TRIM2: variants seen among roughly 807,000 people sequenced by gnomAD.
TRIM2 encodes the protein tripartite motif-containing protein 2.
A neutral mutation model predicts 75.2 loss-of-function variants in TRIM2; 20 were observed. The ratio of observed to expected loss-of-function variants is 0.27; its 90% CI spans 0.19 to 0.39. TRIM2 has a LOEUF of 0.39. Among genes scored for constraint, TRIM2 ranks in the 10% least tolerant of loss-of-function variants. The pLI is 1.00. For missense variants in TRIM2, 660 were observed against 990.8 expected (o/e 0.67, Z 4.48); for synonymous variants, 373 against 388.3 (o/e 0.96, Z 0.46).
chr4:153,296,583 C>A (rs1762817336), intron 6 of TRIM2, among the ~76,000 whole-genome samples: 1 of 152,072 alleles, frequency 6.6e-6, no homozygotes, highest in Non-Finnish European at 1.5e-5. Flanking sequence ...TGGAGAGCAG[C>A]CCCAAGGAGA....
Position 153,232,127 on chromosome 4 carries a change from C to G in TRIM2, c.30+27567C>G, listed in dbSNP as rs560710885. Among the ~76,000 whole-genome samples the G allele has an allele frequency of 1.2e-4, 18 of 152,296 alleles. 1 individual carries two copies. The highest frequency in any genetic ancestry group is 4.3e-4 in the African/African-American group (18 of 41,538). The stretch of plus-strand genomic sequence containing the variant: ...AAAAGATACTCAACTTGTAGTATTT[C>G]CAAATACAGTCACAATCTGAGGTAC... On this transcript the variant is annotated intron_variant, in intron 1 of 11. Coordinates refer to ENST00000338700, the MANE Select transcript of TRIM2 (RefSeq NM_015271.5).
intron 1 of TRIM2, among the ~76,000 whole-genome samples, chr4:153,169,126 G>C (rs571750398): frequency 6.6e-6 from 1 of 152,260 alleles, no homozygotes; most frequent in Admixed American, 6.5e-5. Flanking sequence ...ATTCTTCTCA[G>C]CTCTAACCTA....
Position 153,180,222 on chromosome 4 carries a change from A to G in TRIM2, c.-49+26952A>G, listed in dbSNP as rs1196250733. Among the ~76,000 whole-genome samples the G allele has an allele frequency of 1.3e-5, 2 of 152,236 alleles. 1 individual carries two copies. Among genetic ancestry groups the G allele is most frequent in the Non-Finnish European group, 2.9e-5 (2 of 68,024 alleles). On this transcript the variant is annotated intron_variant, in intron 1 of 11. Transcript: ENST00000437508. ...CCCATTAACTCTACTCATTTTGGGT[A>G]CATTTTTCATTATTTTGCTGTGTAG...
intron 1 of TRIM2, among the ~76,000 whole-genome samples, chr4:153,263,894 T>C (rs773695836): frequency 2.6e-4 from 40 of 152,240 alleles, no homozygotes; most frequent in African/African-American, 6.7e-4. Context: ...ACTAATCCCA[T>C]CATAAGGGCT....
At chr4:153,184,378 C>T (rs899493424) in intron 1 of TRIM2, among the ~76,000 whole-genome samples, 3 of 152,210 alleles carry the variant, frequency 2.0e-5, no homozygotes, top group Middle Eastern at 6.8e-3. Context: ...TCTGATGGCT[C>T]TTCTTATAAG....
At position 153,295,516 on chromosome 4, in the gene TRIM2, G is replaced by A. The variant is rs1278951417; in HGVS notation, c.990G>A (p.Val330=). ...AGAACGACCAGCTGGATTTCATCGTGGAAACCGAGGGGCTGAAGAAGTCCA... is the reference window on the plus strand; with the variant it reads ...AGAACGACCAGCTGGATTTCATCGTAGAAACCGAGGGGCTGAAGAAGTCCA... The part of the protein sequence containing the change: ...PRENDQLDFI[V]ETEGLKKSIH... Residue 330 remains valine (V), a synonymous_variant, in exon 6 of 12, where the codon GTG becomes GTA. Transcript: ENST00000338700. This position sits in a 1 kb window ranked among gnomAD's most constrained non-coding sequence, Gnocchi z 7.2. The A allele has an allele frequency of 4.3e-6, 7 of 1,613,970 alleles. No individual in the cohort carries two copies. The Admixed American group carries it at 1.2e-4, about 27-fold the overall frequency.
intron 1 of TRIM2, among the ~76,000 whole-genome samples, chr4:153,166,705 C>T (rs991222363): frequency 6.6e-6 from 1 of 152,098 alleles, no homozygotes; most frequent in African/African-American, 2.4e-5. Flanking sequence ...CTTATGCCAC[C>T]ATGCCCAGAT....
intron 10 of TRIM2, 73 bp from the exon 11 acceptor site, chr4:153,328,457 T>C: frequency 7.4e-7 from 1 of 1,357,198 alleles, no homozygotes; most frequent in Non-Finnish European, 1.0e-6. Flanking sequence ...CTCAAATAGA[T>C]ATTTTTTTAA....
intron 3 of TRIM2, among the ~76,000 whole-genome samples, chr4:153,288,294 A>G (rs1204538965): frequency 6.6e-6 from 1 of 151,916 alleles, no homozygotes; most frequent in Non-Finnish European, 1.5e-5. Flanking sequence ...AAAATTAGCC[A>G]GGGATGGTGG....
chr4:153,153,769 G>T (rs1429134329), intron 1 of TRIM2, among the ~76,000 whole-genome samples: 4 of 152,184 alleles, frequency 2.6e-5, no homozygotes, highest in African/African-American at 7.2e-5. Flanking sequence ...GGCGCGCATC[G>T]CTGAGTCCGG....
At chr4:153,244,429 C>CTTTCTTCT (rs778421340) in intron 1 of TRIM2, among the ~76,000 whole-genome samples, 2 of 96,120 alleles carry the variant, frequency 2.1e-5, no homozygotes, top group South Asian at 3.0e-4. Context: ...TCTTCTTCTT[C>CTTTCTTCT]TTCTTCTTTT....
rs1772700652 is a variant in TRIM2 at position 153,338,388 on chromosome 4, T to C, written c.*3422T>C. ...CTGAAAAGGGAGGAGTATTTTTAGT[T>C]TGACAATTTAATAATTTAAAAACAA... is the stretch of plus-strand genomic sequence containing the variant. On this transcript the variant is annotated 3_prime_UTR_variant, in exon 12 of 12. Coordinates refer to ENST00000338700, the MANE Select transcript of TRIM2 (RefSeq NM_015271.5). 2 of 985,750 alleles carry C rather than the reference T, an allele frequency of 2.0e-6. No individual in the cohort carries two copies. Among genetic ancestry groups the C allele is most frequent in the African/African-American group, 1.7e-5 (1 of 57,362 alleles). 61.1% of individuals were successfully genotyped at this position (985,750 alleles called of 1,614,324 possible).
chr4:153,199,385 G>C (rs1301819033), intron 1 of TRIM2, among the ~76,000 whole-genome samples: 3 of 152,066 alleles, frequency 2.0e-5, no homozygotes, highest in African/African-American at 7.2e-5. Context: ...GAAAGAAGTA[G>C]GAAACTCACT....
chr4:153,332,514 G>A (rs1005140006), intron 11 of TRIM2, among the ~76,000 whole-genome samples: 2 of 152,156 alleles, frequency 1.3e-5, no homozygotes, highest in South Asian at 2.1e-4. Flanking sequence ...GTGTGGTGGT[G>A]TGTGCCTGTA....
intron 1 of TRIM2, among the ~76,000 whole-genome samples, chr4:153,253,392 C>G (rs1751319397): frequency 6.6e-6 from 1 of 152,206 alleles, no homozygotes; most frequent in Admixed American, 6.5e-5. Flanking sequence ...CACCCCCACA[C>G]ACACTGGGTA....
intron 6 of TRIM2, chr4:153,308,383 G>A: frequency 1.1e-6 from 1 of 944,654 alleles, no homozygotes; most frequent in Non-Finnish European, 1.7e-6. Context: ...ATCTCAATGA[G>A]GGAGTCCTTG....
chr4:153,269,407 GGA>G (rs1756082974), intron 1 of TRIM2, among the ~76,000 whole-genome samples: 1 of 152,112 alleles, frequency 6.6e-6, no homozygotes. Flanking sequence ...TCCTGGCTCT[GGA>G]GAGAGAGGCA....
At chr4:153,210,324 C>T (rs1040632632) in intron 1 of TRIM2, among the ~76,000 whole-genome samples, 1 of 152,092 alleles carries the variant, frequency 6.6e-6, no homozygotes, top group African/African-American at 2.4e-5. Flanking sequence ...CTTGACCTCC[C>T]AAAGTAATGG....
chr4:153,233,880 T>C (rs747573098), intron 1 of TRIM2, among the ~76,000 whole-genome samples: 4 of 152,142 alleles, frequency 2.6e-5, no homozygotes, highest in Non-Finnish European at 4.4e-5. Context: ...GCCACGGAGG[T>C]ATGATTTCCT....
Sources: gnomAD v4.1 joint callset for allele counts (sites outside exome capture counted in the v4.1 genomes callset) on GRCh38, gnomAD v4.1.1 for gene constraint, Gnocchi (gnomAD v3.1) non-coding constraint, MANE v1.5 for transcripts, NCBI Gene and HGNC (gene_info 2026-07-23, HGNC 2026-07-21) for gene names.